PLXNA2: variants seen among roughly 807,000 people sequenced by gnomAD.
The protein encoded by PLXNA2 is plexin-A2.
Under a neutral mutation model 193.5 loss-of-function variants are expected in PLXNA2, and 91 were observed. That is an observed-to-expected ratio of 0.47 (90% CI 0.40 to 0.56). The LOEUF (loss-of-function observed/expected upper bound fraction) is 0.56, where lower values mean the gene tolerates loss of function less well. Ranked by LOEUF, PLXNA2 falls within the 20% of genes least tolerant of loss-of-function variation. PLXNA2 has a pLI of 0.00. For missense variants in PLXNA2, 1,995 were observed against 2,503.2 expected, an observed-to-expected ratio of 0.80 and a Z score of 4.33; for synonymous variants, 997 against 1,027.3, an observed-to-expected ratio of 0.97 and a Z score of 0.56.
intron 3 of PLXNA2, among the ~76,000 whole-genome samples, chr1:208,182,534 C>T (rs1052690837): frequency 1.3e-5 from 2 of 152,124 alleles, no homozygotes; most frequent in African/African-American, 4.8e-5. Context: ...AAGCGTCTTG[C>T]TCTGCCCATG....
intron 11 of PLXNA2, among the ~76,000 whole-genome samples, chr1:208,080,316 C>G (rs953652480): frequency 6.6e-5 from 10 of 151,968 alleles, no homozygotes; most frequent in Admixed American, 2.0e-4. Context: ...GTGTGCAAAC[C>G]CTTTGTCTTT....
At chr1:208,199,386 T>C (rs1360292263) in intron 3 of PLXNA2, among the ~76,000 whole-genome samples, 1 of 152,142 alleles carries the variant, frequency 6.6e-6, no homozygotes, top group African/African-American at 2.4e-5. Context: ...CAGTCTGATG[T>C]TTTGTGCAGA....
chr1:208,081,488 G>T (rs771843228), intron 11 of PLXNA2, among the ~76,000 whole-genome samples: 1 of 152,162 alleles, frequency 6.6e-6, no homozygotes, highest in Non-Finnish European at 1.5e-5. Flanking sequence ...TATATTCCAG[G>T]GGGGAAGGAG....
intron 3 of PLXNA2, among the ~76,000 whole-genome samples, chr1:208,193,896 T>C (rs956126027): frequency 6.6e-6 from 1 of 152,056 alleles, no homozygotes; most frequent in African/African-American, 2.4e-5. Context: ...GACCTGTCTC[T>C]AAAAAAACTT....
chr1:208,079,246 C>A lies in PLXNA2; in HGVS notation c.2586+14G>T, dbSNP rs745589247. ...TGGCCACCCCTTCCTGCTCTAGAGACTTGCAGGACTTACCTCGGTGATTTG... is the reference window on the plus strand; with the variant it reads ...TGGCCACCCCTTCCTGCTCTAGAGAATTGCAGGACTTACCTCGGTGATTTG... On this transcript the variant is annotated intron_variant, in intron 12 of 31. Transcript: ENST00000367033. 60 of 1,592,820 alleles carry A rather than the reference C, an allele frequency of 3.8e-5. No homozygotes were observed. The South Asian group carries it at 6.1e-4, about 16-fold the overall frequency.
At chr1:208,097,720 A>C (rs985393938) in intron 6 of PLXNA2, among the ~76,000 whole-genome samples, 1 of 152,072 alleles carries the variant, frequency 6.6e-6, no homozygotes, top group Non-Finnish European at 1.5e-5. Flanking sequence ...AAATTACCAC[A>C]ATACAGCATC....
intron 4 of PLXNA2, among the ~76,000 whole-genome samples, chr1:208,131,527 G>A (rs1290517159): frequency 1.3e-5 from 2 of 152,196 alleles, no homozygotes; most frequent in Non-Finnish European, 2.9e-5. Context: ...GCAGGCTGCA[G>A]AGCTCTGGGG....
intron 3 of PLXNA2, among the ~76,000 whole-genome samples, chr1:208,161,832 G>A (rs1332663370): frequency 6.6e-6 from 1 of 152,162 alleles, no homozygotes; most frequent in African/African-American, 2.4e-5. Flanking sequence ...ATTTTAAGTT[G>A]AGGCTTCCAG....
At chr1:208,164,513 A>T (rs996518144) in intron 3 of PLXNA2, among the ~76,000 whole-genome samples, 1 of 152,228 alleles carries the variant, frequency 6.6e-6, no homozygotes, top group Non-Finnish European at 1.5e-5. Context: ...ACCTTCTAAG[A>T]AATACTTTCT....
At chr1:208,175,061 G>T (rs1344126310) in intron 3 of PLXNA2, among the ~76,000 whole-genome samples, 1 of 152,154 alleles carries the variant, frequency 6.6e-6, no homozygotes, top group African/African-American at 2.4e-5. Context: ...GTGGCTCGTG[G>T]GAGCTCCTGT....
rs894748074 is a variant in PLXNA2, at chr1:208,028,871, G to C, written c.5397C>G (p.Leu1799=). The C allele has an allele frequency of 6.2e-7, 1 of 1,614,194 alleles. No homozygotes were observed. The highest frequency in any genetic ancestry group is 2.2e-5 in the East Asian group (1 of 44,880). The part of the protein sequence containing the change: ...LGKDSPSNKL[L]YAKDIPSYKS... ...TGTAGCTGGGGATGTCCTTGGCATA[G>C]AGCAGCTTGTTGGAGGGGGAGTCCT... Residue 1799 remains leucine (L), a synonymous_variant, in exon 30 of 32, where the codon CTC becomes CTG. Transcript: ENST00000367033. The surrounding 1 kb of genome is among the most constrained non-coding windows in gnomAD (Gnocchi z 4.2).
Position 208,079,379 on chromosome 1 carries a change from A to G in PLXNA2, c.2467T>C (p.Cys823Arg), listed in dbSNP as rs566462316. 1 of 1,613,828 alleles carries G rather than the reference A, an allele frequency of 6.2e-7. No homozygotes were observed. The highest frequency in any genetic ancestry group is 1.3e-5 in the African/African-American group (1 of 75,048). Residue 823 changes from cysteine to arginine, a missense_variant, in exon 12 of 32, where the codon TGT becomes CGT. This residue lies in a region of PLXNA2 where 1,291 missense variants were observed against 1,673.6 expected (regional missense o/e 0.77). Transcript: ENST00000367033. ...CTGCGCTCGCCGCTGCACCAGCCACACTCAAACTTCCGGTCGGCCTTGAGG... is the reference window on the plus strand; with the variant it reads ...CTGCGCTCGCCGCTGCACCAGCCACGCTCAAACTTCCGGTCGGCCTTGAGG... ...LCLKADRKFE[C>R]GWCSGERRCT...
intron 31 of PLXNA2, among the ~76,000 whole-genome samples, chr1:208,027,695 A>C (rs1664382112): frequency 6.6e-6 from 1 of 152,256 alleles, no homozygotes; most frequent in Non-Finnish European, 1.5e-5. Flanking sequence ...AATGTAACTG[A>C]CAGGATCTGC....
intron 4 of PLXNA2, among the ~76,000 whole-genome samples, chr1:208,128,061 G>A (rs1668028143): frequency 6.6e-6 from 1 of 152,184 alleles, no homozygotes; most frequent in Admixed American, 6.5e-5. Flanking sequence ...CGGGGAGCCT[G>A]AGGGGCGGGC....
chr1:208,111,747 T>G (rs1262829583), intron 4 of PLXNA2, among the ~76,000 whole-genome samples: 1 of 152,194 alleles, frequency 6.6e-6, no homozygotes, highest in Non-Finnish European at 1.5e-5. Flanking sequence ...TTAGATCCAT[T>G]TCTTTAACAA....
At chr1:208,102,510 C>T (rs1449671517) in intron 5 of PLXNA2, among the ~76,000 whole-genome samples, 1 of 152,250 alleles carries the variant, frequency 6.6e-6, no homozygotes, top group Non-Finnish European at 1.5e-5. Flanking sequence ...ATGTGAACTT[C>T]TTAGAATCAT....
chr1:208,146,935 C>T (rs1177410638), intron 3 of PLXNA2, among the ~76,000 whole-genome samples: 3 of 152,188 alleles, frequency 2.0e-5, no homozygotes, highest in Non-Finnish European at 2.9e-5. Flanking sequence ...GGCTATTTTG[C>T]TTGGACAAGG....
intron 1 of PLXNA2, among the ~76,000 whole-genome samples, chr1:208,233,328 G>T (rs1000003404): frequency 6.6e-6 from 1 of 152,224 alleles, no homozygotes; most frequent in Non-Finnish European, 1.5e-5. Flanking sequence ...TGCAAGGAAC[G>T]TATCTTTTTT....
chr1:208,197,423 C>G (rs1263447427), intron 3 of PLXNA2, among the ~76,000 whole-genome samples: 1 of 152,216 alleles, frequency 6.6e-6, no homozygotes, highest in Non-Finnish European at 1.5e-5. Flanking sequence ...CGGAAGAGAC[C>G]GGGTTTCCCC....
Sources: allele counts gnomAD v4.1 joint callset (sites outside exome capture counted in the v4.1 genomes callset), GRCh38; gene constraint gnomAD v4.1.1; regional missense constraint gnomAD v4.1.1; non-coding constraint Gnocchi (gnomAD v3.1); transcripts MANE v1.5; gene names NCBI Gene and HGNC (gene_info 2026-07-23, HGNC 2026-07-21).